The following HS6ST1 variants were observed in gnomAD, a reference collection of about 807,000 sequenced individuals.
HS6ST1 encodes the protein heparan sulfate 6-O-sulfotransferase 1.
A neutral mutation model predicts 25.2 loss-of-function variants in HS6ST1; 3 were observed. The observed-to-expected ratio is 0.12, with a 90% CI of 0.05 to 0.31. HS6ST1 has a LOEUF of 0.31. Among genes scored for constraint, HS6ST1 ranks in the 10% least tolerant of loss-of-function variants. The probability of loss-of-function intolerance (pLI) is 1.00; values close to 1 mark genes in which losing one functional copy is unlikely to be tolerated. For missense variants in HS6ST1, 310 were observed against 609.6 expected, an observed-to-expected ratio of 0.51 and a Z score of 5.18; for synonymous variants, 204 against 275.1, an observed-to-expected ratio of 0.74 and a Z score of 2.56.
intron 1 of HS6ST1, among the ~76,000 whole-genome samples, chr2:128,312,831 G>T (rs533136027): frequency 6.6e-6 from 1 of 152,146 alleles, no homozygotes; most frequent in Non-Finnish European, 1.5e-5. Context: ...AGGCGAAGTC[G>T]GGCAGATCAC....
At chr2:128,300,642 A>G (rs1224530319) in intron 1 of HS6ST1, among the ~76,000 whole-genome samples, 1 of 152,150 alleles carries the variant, frequency 6.6e-6, no homozygotes, top group African/African-American at 2.4e-5. Context: ...GCTGTAACTA[A>G]GGGCAGGGTG....
intron 1 of HS6ST1, among the ~76,000 whole-genome samples, chr2:128,295,963 C>T (rs969717131): frequency 2.6e-5 from 4 of 152,084 alleles, no homozygotes; most frequent in South Asian, 2.1e-4. Context: ...TTGGAGGTGG[C>T]GACTCTGAGA....
chr2:128,286,537 G>A (rs953961746), intron 1 of HS6ST1, among the ~76,000 whole-genome samples: 14 of 152,192 alleles, frequency 9.2e-5, no homozygotes, highest in Non-Finnish European at 1.5e-4. Context: ...TGCACTGCAC[G>A]CCCAGGCTTT....
intron 1 of HS6ST1, among the ~76,000 whole-genome samples, chr2:128,288,062 C>G (rs1156732730): frequency 6.6e-6 from 1 of 152,228 alleles, no homozygotes; most frequent in Non-Finnish European, 1.5e-5. Context: ...AGTCGAGCAG[C>G]AGGGCAGCTG....
Position 128,268,454 on chromosome 2 carries a change from G to C in HS6ST1, c.944C>G (p.Pro315Arg). 6.2e-7 allele frequency: 1 copy of C among 1,613,528 alleles called. No homozygotes were observed. The highest frequency in any genetic ancestry group is 8.5e-7 in the Non-Finnish European group (1 of 1,179,842). ...ERTFNLKFIR[P>R]FMQYNSTRAG... is the part of the protein sequence containing the mutation. Reference sequence around the variant, plus strand: ...CCGCGTGCTATTGTACTGCATGAAGGGCCGGATGAACTTGAGGTTGAACGT... The same window carrying C: ...CCGCGTGCTATTGTACTGCATGAAGCGCCGGATGAACTTGAGGTTGAACGT... Residue 315 changes from proline to arginine, a missense_variant, in exon 2 of 2, where the codon CCC becomes CGC. Physicochemically the swap from Pro to Arg is moderately radical, Grantham distance 103 (BLOSUM62 -2). This residue lies in a region of HS6ST1 where 140 missense variants were observed against 176.5 expected (regional missense o/e 0.79). Transcript: ENST00000259241.
At chr2:128,274,201 C>G (rs1023431376) in intron 1 of HS6ST1, among the ~76,000 whole-genome samples, 1 of 151,960 alleles carries the variant, frequency 6.6e-6, no homozygotes, top group Non-Finnish European at 1.5e-5. Context: ...ACAGAAATAA[C>G]CAGAATTGGA....
intron 1 of HS6ST1, among the ~76,000 whole-genome samples, chr2:128,279,153 C>A (rs1331482611): frequency 6.6e-6 from 1 of 152,046 alleles, no homozygotes; most frequent in Non-Finnish European, 1.5e-5. Context: ...GGCCCCTCCC[C>A]TCCCATGCCC....
chr2:128,273,528 G>A (rs1439843271), intron 1 of HS6ST1, among the ~76,000 whole-genome samples: 10 of 152,192 alleles, frequency 6.6e-5, no homozygotes, highest in Admixed American at 2.6e-4. Flanking sequence ...CTCCATAGCC[G>A]GTGGGACTCT....
chr2:128,267,485 G>A lies in HS6ST1; in HGVS notation c.*677C>T, dbSNP rs1693537196. Reference sequence around the variant, plus strand: ...TCTGAGGACTGTAGGGAGTGGGTGGGGCCTGAACATCAGCTTTGGCCTCCT... The same window carrying A: ...TCTGAGGACTGTAGGGAGTGGGTGGAGCCTGAACATCAGCTTTGGCCTCCT... On this transcript the variant is annotated 3_prime_UTR_variant, in exon 2 of 2. Transcript: ENST00000259241. The A allele has an allele frequency of 6.5e-6, 1 of 153,660 alleles. No individual in the cohort carries two copies. Among genetic ancestry groups the A allele is most frequent in the South Asian group, 2.0e-4 (1 of 4,886 alleles). 9.5% of individuals were successfully genotyped at this position (153,660 alleles called of 1,614,324 possible).
chr2:128,278,998 GATTTATAAGAAATA>G (rs1476128282), intron 1 of HS6ST1, among the ~76,000 whole-genome samples: 1 of 152,208 alleles, frequency 6.6e-6, no homozygotes, highest in Admixed American at 6.5e-5. Flanking sequence ...AAGAAGAAAT[GATTTATAAGAAATA>G]ATGTAATGAA....
intron 1 of HS6ST1, chr2:128,290,315 G>GCTCC (rs1558874473): frequency 1.3e-5 from 2 of 152,068 alleles, no homozygotes; most frequent in African/African-American, 4.8e-5. Context: ...CTAGACAAGA[G>GCTCC]TAAAGCAGTG....
intron 1 of HS6ST1, among the ~76,000 whole-genome samples, chr2:128,293,652 G>T (rs1260807180): frequency 6.6e-6 from 1 of 152,180 alleles, no homozygotes; most frequent in Non-Finnish European, 1.5e-5. Context: ...GGAGGAACAT[G>T]CTCCCAGATT....
rs564813673 is a variant in HS6ST1, at chr2:128,272,947, C to T, written c.528-4077G>A. On this transcript the variant is annotated intron_variant, in intron 1 of 1. Coordinates refer to ENST00000259241, the MANE Select transcript of HS6ST1 (RefSeq NM_004807.3). Reference sequence around the variant, plus strand: ...GTCTAGCAGGCACCAACAGGGGCAACGGCAGGGGAAAGGGGCACCTGAGCC... The same window carrying T: ...GTCTAGCAGGCACCAACAGGGGCAATGGCAGGGGAAAGGGGCACCTGAGCC... Among the ~76,000 whole-genome samples, 8 of 152,240 alleles carry T rather than the reference C, an allele frequency of 5.3e-5. No homozygotes were observed. In the South Asian group the frequency reaches 1.0e-3, roughly 20 times the overall value.
intron 1 of HS6ST1, among the ~76,000 whole-genome samples, chr2:128,285,218 T>C (rs1402498230): frequency 6.6e-6 from 1 of 152,234 alleles, no homozygotes; most frequent in Non-Finnish European, 1.5e-5. Context: ...CCTTCTTCTT[T>C]GTAGCCTCCC....
intron 1 of HS6ST1, among the ~76,000 whole-genome samples, chr2:128,310,205 C>T (rs1472491541): frequency 1.3e-5 from 2 of 152,314 alleles, no homozygotes; most frequent in East Asian, 3.9e-4. Flanking sequence ...GATTCCCTGC[C>T]CTCCACCGCA....
chr2:128,306,109 A>G (rs745775770), intron 1 of HS6ST1, among the ~76,000 whole-genome samples: 1 of 152,152 alleles, frequency 6.6e-6, no homozygotes, highest in African/African-American at 2.4e-5. Flanking sequence ...TCTGCAAAAC[A>G]GCGCCCCTGA....
chr2:128,304,100 T>C (rs1162504544), intron 1 of HS6ST1, among the ~76,000 whole-genome samples: 1 of 152,250 alleles, frequency 6.6e-6, no homozygotes, highest in African/African-American at 2.4e-5. Context: ...GGCCTTGGAC[T>C]AAGCCTGCTC....
rs1187756405 is a variant in HS6ST1 at position 128,318,435 on chromosome 2, G to C, written c.129C>G (p.Gly43=). The C allele has an allele frequency of 1.9e-6, 3 of 1,589,550 alleles. No homozygotes were observed. The African/African-American group carries it at 4.0e-5, about 21-fold the overall frequency. Residue 43 remains glycine, a synonymous_variant, in exon 1 of 2, where the codon GGC becomes GGG. Coordinates refer to ENST00000259241, the MANE Select transcript of HS6ST1 (RefSeq NM_004807.3). The surrounding 1 kb of genome is among the most constrained non-coding windows in gnomAD (Gnocchi z 5.7). The stretch of plus-strand genomic sequence containing the variant: ...CGGGCGGCGCGCGGCCGCCGGGCGC[G>C]CCCAGGCTCAGTCCTGGGCCCGCGT... ...YQYAGPGLSL[G]APGGRAPPDD...
chr2:128,305,844 C>T (rs1209910082), intron 1 of HS6ST1, among the ~76,000 whole-genome samples: 1 of 152,208 alleles, frequency 6.6e-6, no homozygotes, highest in East Asian at 1.9e-4. Flanking sequence ...CCCAGGTTCC[C>T]TGCACCATCC....
Sources: gnomAD v4.1 joint callset for allele counts (sites outside exome capture counted in the v4.1 genomes callset) on GRCh38, gnomAD v4.1.1 for gene constraint, gnomAD v4.1.1 regional missense constraint, Gnocchi (gnomAD v3.1) non-coding constraint, MANE v1.5 for transcripts, NCBI Gene and HGNC (gene_info 2026-07-23, HGNC 2026-07-21) for gene names.